Variants in KDM2A observed in about 807,000 individuals in gnomAD.
The protein encoded by KDM2A is lysine demethylase 2A.
Under a neutral mutation model 137.3 loss-of-function variants are expected in KDM2A, and 3 were observed. That is an observed-to-expected ratio of 0.02 (90% CI 0.01 to 0.06). KDM2A has a LOEUF of 0.06. Ranked by LOEUF, KDM2A falls within the 10% of genes least tolerant of loss-of-function variation. The probability of loss-of-function intolerance (pLI) is 1.00; values close to 1 mark genes in which losing one functional copy is unlikely to be tolerated. For synonymous variants in KDM2A, 512 were observed against 541.5 expected, an observed-to-expected ratio of 0.95 and a Z score of 0.76; for missense variants, 738 against 1,510.6, an observed-to-expected ratio of 0.49 and a Z score of 8.48.
At chr11:67,137,725 G>T (rs1483732271) in intron 2 of KDM2A, among the ~76,000 whole-genome samples, 1 of 152,200 alleles carries the variant, frequency 6.6e-6, no homozygotes, top group East Asian at 1.9e-4. Flanking sequence ...AAGTGCTTGT[G>T]AAATATCACA....
rs1194899609 is a variant in KDM2A at position 67,202,184 on chromosome 11, CTT to C, written c.308-5325_308-5324del. Among the ~76,000 whole-genome samples, 25 of 152,196 alleles carry C rather than the reference CTT, an allele frequency of 1.6e-4. No individual in the cohort carries two copies. In the South Asian group the frequency reaches 2.3e-3, roughly 14 times the overall value. On this transcript the variant is annotated intron_variant, in intron 5 of 20. Coordinates refer to ENST00000529006, the MANE Select transcript of KDM2A (RefSeq NM_012308.3). ...TGAATTGCTGCAATCTATAATGAAA[CTT>C]GAGCAGATGGAAGAGTTGCTTCTTA...
At chr11:67,253,327 T>TA in intron 18 of KDM2A, 126 bp from the exon 19 acceptor site, 2 of 814,408 alleles carry the variant, frequency 2.5e-6, no homozygotes, top group South Asian at 3.3e-5. Context: ...GCTGGATGAC[T>TA]AAAAGATTAG....
chr11:67,210,663 AC>A (rs759791317), intron 6 of KDM2A, among the ~76,000 whole-genome samples: 4 of 152,246 alleles, frequency 2.6e-5, no homozygotes, highest in Non-Finnish European at 5.9e-5. Flanking sequence ...GGGACCTAAA[AC>A]ATGAAAGATT....
At chr11:67,139,139 G>C (rs1856037643) in intron 2 of KDM2A, among the ~76,000 whole-genome samples, 1 of 151,482 alleles carries the variant, frequency 6.6e-6, no homozygotes, top group Non-Finnish European at 1.5e-5. Context: ...GTACAGAAGG[G>C]GCCCATTACT....
chr11:67,218,540 T>A (rs946412796), intron 9 of KDM2A, among the ~76,000 whole-genome samples: 4 of 147,546 alleles, frequency 2.7e-5, no homozygotes, highest in African/African-American at 7.5e-5. Flanking sequence ...CATTATGAGA[T>A]TTTTTTTTTT....
chr11:67,128,930 A>C (rs57327069), intron 2 of KDM2A, among the ~76,000 whole-genome samples: 6,048 of 152,298 alleles, frequency 0.04, 226 homozygotes, highest in African/African-American at 0.094. Flanking sequence ...ACTAGAGTGG[A>C]GGAGGGTCTG....
chr11:67,135,552 A>T (rs1855954295), intron 2 of KDM2A, among the ~76,000 whole-genome samples: 1 of 152,220 alleles, frequency 6.6e-6, no homozygotes, highest in Non-Finnish European at 1.5e-5. Flanking sequence ...CCTGGATCAC[A>T]GACGTTAGCA....
chr11:67,192,872 A>G (rs1857390613), intron 5 of KDM2A, among the ~76,000 whole-genome samples: 1 of 152,246 alleles, frequency 6.6e-6, no homozygotes, highest in African/African-American at 2.4e-5. Context: ...ACCTTGTCAA[A>G]TTCCTCTCCA....
chr11:67,145,143 A>T (rs1474333048), intron 2 of KDM2A, among the ~76,000 whole-genome samples: 1 of 151,250 alleles, frequency 6.6e-6, no homozygotes, highest in Non-Finnish European at 1.5e-5. Flanking sequence ...AAGTGCTAAG[A>T]TTACAGGTGT....
intron 5 of KDM2A, among the ~76,000 whole-genome samples, chr11:67,200,881 T>C (rs1857602859): frequency 1.3e-5 from 2 of 151,992 alleles, no homozygotes; most frequent in African/African-American, 4.8e-5. Flanking sequence ...AATCTCAACT[T>C]TAGTCTTATT....
Position 67,245,485 on chromosome 11 carries a change from T to G in KDM2A, c.1833+27T>G. 1 of 1,609,266 alleles carries G rather than the reference T, an allele frequency of 6.2e-7. No individual in the cohort carries two copies. The highest frequency in any genetic ancestry group is 1.3e-5 in the African/African-American group (1 of 74,912). On this transcript the variant is annotated intron_variant, in intron 14 of 20. Coordinates refer to ENST00000529006, the MANE Select transcript of KDM2A (RefSeq NM_012308.3). This position sits in a 1 kb window ranked among gnomAD's most constrained non-coding sequence, Gnocchi z 4.1. ...TGAGTGATCTGCTGGGTAAAGAATT[T>G]TGGGGAGGGGTGGCAGTGCCAAAGG...
In KDM2A at chr11:67,256,598, C is replaced by G. The variant is rs1448323772; in HGVS notation, c.*1543C>G. The G allele has an allele frequency of 1.3e-5, 2 of 152,682 alleles. No individual in the cohort carries two copies. Among genetic ancestry groups the G allele is most frequent in the Non-Finnish European group, 2.9e-5 (2 of 68,096 alleles). 9.5% of individuals were successfully genotyped at this position (152,682 alleles called of 1,614,324 possible). ...TCCTGTAGCCCAGTCTCAGGCTTTC[C>G]TCTTCCTGAAGCCCTACAGAGTTAG... On this transcript the variant is annotated 3_prime_UTR_variant, in exon 21 of 21. Coordinates refer to ENST00000529006, the MANE Select transcript of KDM2A (RefSeq NM_012308.3).
At chr11:67,206,427 T>C (rs1363429659) in intron 5 of KDM2A, among the ~76,000 whole-genome samples, 1 of 151,222 alleles carries the variant, frequency 6.6e-6, no homozygotes, top group African/African-American at 2.4e-5. Flanking sequence ...AGCGAGACTG[T>C]CTCAAAATAA....
intron 2 of KDM2A, among the ~76,000 whole-genome samples, chr11:67,129,906 CA>C (rs35153256): frequency 0.28 from 39,427 of 139,708 alleles, 10,836 homozygotes; most frequent in African/African-American, 0.7. Flanking sequence ...GACTCTGTCT[CA>C]AAAAAAAAAA....
At chr11:67,153,550 G>A (rs943534217) in intron 2 of KDM2A, among the ~76,000 whole-genome samples, 6 of 152,104 alleles carry the variant, frequency 3.9e-5, no homozygotes, top group African/African-American at 9.7e-5. Flanking sequence ...AAAGAATAGC[G>A]TAAAGAACAT....
intron 16 of KDM2A, among the ~76,000 whole-genome samples, chr11:67,249,632 C>T (rs1590828488): frequency 6.6e-6 from 1 of 152,158 alleles, no homozygotes; most frequent in East Asian, 1.9e-4. Context: ...CAGAGAGGTT[C>T]TTGTTATCTG....
chr11:67,256,490 T>C lies in KDM2A; in HGVS notation c.*1435T>C, dbSNP rs1859620026. 6.5e-6 allele frequency: 1 copy of C among 152,694 alleles called. No individual in the cohort carries two copies. The highest frequency in any genetic ancestry group is 2.1e-4 in the South Asian group (1 of 4,832). 9.5% of individuals were successfully genotyped at this position (152,694 alleles called of 1,614,324 possible). ...GCAAATTTGCACTCTGCTCCCCCTC[T>C]GTAAGGATACTGATAGCACAACCTC... is the stretch of plus-strand genomic sequence containing the variant. On this transcript the variant is annotated 3_prime_UTR_variant, in exon 21 of 21. Transcript: ENST00000529006.
At chr11:67,215,556 G>T (rs1175807102) in intron 7 of KDM2A, 110 bp downstream of exon 7, 2 of 721,102 alleles carry the variant, frequency 2.8e-6, no homozygotes, top group Non-Finnish European at 4.8e-6. Flanking sequence ...TGATTAAAAA[G>T]ATGAATTATT....
intron 5 of KDM2A, chr11:67,196,300 C>G (rs1210470954): frequency 2.2e-6 from 1 of 455,970 alleles, no homozygotes; most frequent in Non-Finnish European, 4.4e-6. Context: ...CAGGAGGGAG[C>G]AAGTGGGCCT....
Sources: gnomAD v4.1 joint callset for allele counts (sites outside exome capture counted in the v4.1 genomes callset) on GRCh38, gnomAD v4.1.1 for gene constraint, Gnocchi (gnomAD v3.1) non-coding constraint, MANE v1.5 for transcripts, NCBI Gene and HGNC (gene_info 2026-07-23, HGNC 2026-07-21) for gene names.